The following KDM4B variants were observed in gnomAD, a reference collection of about 807,000 sequenced individuals.
The protein encoded by KDM4B is lysine-specific demethylase 4B.
KDM4B carries 32 observed loss-of-function variants against 125.2 expected under a neutral mutation model. The observed-to-expected ratio is 0.26, with a 90% CI of 0.19 to 0.34. The LOEUF (loss-of-function observed/expected upper bound fraction) is 0.34. Ranked by LOEUF, KDM4B falls within the 10% of genes least tolerant of loss-of-function variation. KDM4B has a pLI of 1.00. For synonymous variants in KDM4B, 721 were observed against 677.9 expected (o/e 1.06, Z -0.99); for missense variants, 1,190 against 1,577.7 (o/e 0.75, Z 4.16).
At chr19:5,010,381 C>A (rs993023739) in intron 1 of KDM4B, among the ~76,000 whole-genome samples, 1 of 152,160 alleles carries the variant, frequency 6.6e-6, no homozygotes, top group South Asian at 2.1e-4. Flanking sequence ...TGGTGTTGAC[C>A]GTGGCCGCCT....
Position 5,131,205 on chromosome 19 carries a change from C to A in KDM4B, c.1445C>A (p.Pro482Gln). Residue 482 changes from proline (P) to glutamine (Q), a missense_variant, in exon 12 of 23, where the codon CCA becomes CAA. Physicochemically the swap from Pro to Gln is moderately conservative, Grantham distance 76. Around this residue, in one of 7 missense-constraint regions of KDM4B, gnomAD observed 428 missense variants for 405.1 expected, o/e 1.06. Coordinates refer to ENST00000159111, the MANE Select transcript of KDM4B (RefSeq NM_015015.3). ...HFPSEEALWL[P>Q]SPLEPPVLGP... Reference sequence around the variant, plus strand: ...CCCTCAGAGGAGGCGCTGTGGCTGCCATCCCCACTGGAGCCCCCGGTGCTG... The same window carrying A: ...CCCTCAGAGGAGGCGCTGTGGCTGCAATCCCCACTGGAGCCCCCGGTGCTG... The A allele has an allele frequency of 1.2e-6, 2 of 1,605,084 alleles. No homozygotes were observed. Among genetic ancestry groups the A allele is most frequent in the Non-Finnish European group, 1.7e-6 (2 of 1,176,380 alleles).
intron 1 of KDM4B, among the ~76,000 whole-genome samples, chr19:4,969,800 C>T (rs1049350472): frequency 6.6e-6 from 1 of 151,630 alleles, no homozygotes. Context: ...CCCCCACCTC[C>T]GGTCAACCTG....
intron 2 of KDM4B, among the ~76,000 whole-genome samples, chr19:5,018,884 C>T (rs938087857): frequency 1.3e-5 from 2 of 152,254 alleles, no homozygotes; most frequent in African/African-American, 4.8e-5. Flanking sequence ...CCGTGGCCTG[C>T]GTCAGAGCCT....
At chr19:5,127,886 C>G (rs741697) in intron 11 of KDM4B, among the ~76,000 whole-genome samples, 112,007 of 152,074 alleles carry the variant, frequency 0.74, 41,533 homozygotes, top group East Asian at 0.91. Flanking sequence ...CCCCGTTGGT[C>G]GGGGGAGGAT....
intron 7 of KDM4B, chr19:5,076,181 T>C (rs1341693800): frequency 6.1e-5 from 4 of 65,498 alleles, no homozygotes; most frequent in Non-Finnish European, 1.2e-4. Context: ...AGGGTCGTGC[T>C]CTCTCGTTGA....
intron 1 of KDM4B, among the ~76,000 whole-genome samples, chr19:4,994,020 G>GTTTTTTTTTTTTTTTTTTTTTTTT (rs55641886): frequency 5.3e-3 from 350 of 66,664 alleles, no homozygotes; most frequent in Middle Eastern, 0.016. Flanking sequence ...TTTTCAGCCT[G>GTTTTTTTTTTTTTTTTTTTTTTTT]TTTTTTTTTT....
intron 21 of KDM4B, among the ~76,000 whole-genome samples, chr19:5,148,808 C>T (rs766592256): frequency 2.0e-5 from 3 of 152,232 alleles, no homozygotes; most frequent in Non-Finnish European, 2.9e-5. Flanking sequence ...CACCCAGACT[C>T]TCCTCACCGG....
chr19:5,093,824 A>G (rs2038762596), intron 9 of KDM4B, among the ~76,000 whole-genome samples: 1 of 152,216 alleles, frequency 6.6e-6, no homozygotes, highest in Non-Finnish European at 1.5e-5. Context: ...AGGTCCAGGG[A>G]GGAGACAGGA....
intron 9 of KDM4B, among the ~76,000 whole-genome samples, chr19:5,103,715 T>A (rs1262348747): frequency 6.6e-6 from 1 of 152,180 alleles, no homozygotes; most frequent in Non-Finnish European, 1.5e-5. Context: ...TCTGTGACGG[T>A]ATCTGTCAGT....
At chr19:5,072,856 A>G (rs1230871001) in intron 7 of KDM4B, among the ~76,000 whole-genome samples, 1 of 151,982 alleles carries the variant, frequency 6.6e-6, no homozygotes, top group Non-Finnish European at 1.5e-5. Flanking sequence ...CGCCTTTTCC[A>G]GTGTCTAGAG....
chr19:5,058,683 C>T (rs575731646), intron 6 of KDM4B, among the ~76,000 whole-genome samples: 32 of 152,342 alleles, frequency 2.1e-4, no homozygotes, highest in African/African-American at 6.3e-4. Context: ...TGCGGCCCCT[C>T]GCTCACCCGC....
chr19:4,969,607 A>C (rs1402118837), intron 1 of KDM4B, among the ~76,000 whole-genome samples: 1 of 151,422 alleles, frequency 6.6e-6, no homozygotes, highest in Non-Finnish European at 1.5e-5. Context: ...ATCACCCGGG[A>C]CAAGCCTCGG....
chr19:5,057,509 T>G (rs1451510734), intron 6 of KDM4B, among the ~76,000 whole-genome samples: 1 of 152,240 alleles, frequency 6.6e-6, no homozygotes, highest in Non-Finnish European at 1.5e-5. Flanking sequence ...CACCTGCTGC[T>G]CATGTAAGAA....
intron 7 of KDM4B, among the ~76,000 whole-genome samples, chr19:5,071,591 C>G (rs1275963810): frequency 6.6e-6 from 1 of 152,258 alleles, no homozygotes; most frequent in Non-Finnish European, 1.5e-5. Flanking sequence ...CGTTCATGTG[C>G]TCCCTGGGGA....
rs570760269 is a variant in KDM4B at position 5,009,149 on chromosome 19, G to A, written c.-108-7108G>A. Reference sequence around the variant, plus strand: ...AGGCTGGTCTCAAACTCCTGACCTCGAAAGATCTGCTCACCTTGGCCTCCC... The same window carrying A: ...AGGCTGGTCTCAAACTCCTGACCTCAAAAGATCTGCTCACCTTGGCCTCCC... On this transcript the variant is annotated intron_variant, in intron 1 of 22. Transcript: ENST00000159111. 4.0e-5 allele frequency among the ~76,000 whole-genome samples: 6 copies of A among 151,672 alleles called. No individual in the cohort carries two copies. The South Asian group carries it at 1.0e-3, about 26-fold the overall frequency.
chr19:5,030,069 G>T (rs932655591), intron 2 of KDM4B, among the ~76,000 whole-genome samples: 1 of 152,172 alleles, frequency 6.6e-6, no homozygotes, highest in East Asian at 1.9e-4. Context: ...ACGAGCCCCC[G>T]CAACCCCACG....
In KDM4B at chr19:5,153,514, C is replaced by G. The variant is rs375605307; in HGVS notation, c.*2003C>G. 1 of 152,220 alleles carries G rather than the reference C, an allele frequency of 6.6e-6. No individual in the cohort carries two copies. The highest frequency in any genetic ancestry group is 1.5e-5 in the Non-Finnish European group (1 of 68,052). The allele number at this position is 152,220 out of a possible 1,614,324, so 9.4% of individuals were successfully genotyped here. On this transcript the variant is annotated 3_prime_UTR_variant, in exon 23 of 23. Coordinates refer to ENST00000159111, the MANE Select transcript of KDM4B (RefSeq NM_015015.3). ...CCCAGTGCCCTGGTTTTTCCCCACC[C>G]GAGATGAAGGATACGCTGTATTTTT...
intron 4 of KDM4B, among the ~76,000 whole-genome samples, chr19:5,040,215 T>C (rs532031815): frequency 6.6e-6 from 1 of 152,086 alleles, no homozygotes; most frequent in East Asian, 1.9e-4. Flanking sequence ...CACACCGCCC[T>C]CATCTCAGTT....
intron 10 of KDM4B, chr19:5,111,730 G>A: frequency 1.3e-6 from 1 of 763,476 alleles, no homozygotes; most frequent in Non-Finnish European, 2.4e-6. Flanking sequence ...AACTCCTCCG[G>A]GGAAGGGCCA....
Sources: allele counts gnomAD v4.1 joint callset (sites outside exome capture counted in the v4.1 genomes callset), GRCh38; gene constraint gnomAD v4.1.1; regional missense constraint gnomAD v4.1.1; transcripts MANE v1.5; gene names NCBI Gene and HGNC (gene_info 2026-07-23, HGNC 2026-07-21).